The following UST variants were observed in gnomAD, a reference collection of about 807,000 sequenced individuals.
The protein encoded by UST is uronyl 2-sulfotransferase.
A neutral mutation model predicts 45.6 loss-of-function variants in UST; 21 were observed. That is an observed-to-expected ratio of 0.46 (90% CI 0.33 to 0.66). UST has a LOEUF of 0.66. Ranked by LOEUF, UST falls within the 30% of genes least tolerant of loss-of-function variation. The pLI, the probability that UST is intolerant of heterozygous loss-of-function variation, is 0.02. For missense variants in UST, 463 were observed against 512.4 expected (o/e 0.90, Z 0.93); for synonymous variants, 215 against 200.6 (o/e 1.07, Z -0.61).
chr6:148,847,955 T>C (rs1418627574), intron 1 of UST, among the ~76,000 whole-genome samples: 2 of 152,198 alleles, frequency 1.3e-5, no homozygotes, highest in Non-Finnish European at 2.9e-5. Context: ...GCTTTGAAAT[T>C]TGTCATGGGT....
chr6:148,848,482 C>T (rs1778039450), intron 1 of UST, among the ~76,000 whole-genome samples: 1 of 152,110 alleles, frequency 6.6e-6, no homozygotes, highest in African/African-American at 2.4e-5. Flanking sequence ...TCCATCCTGG[C>T]TAACATGGTG....
In UST at chr6:148,868,059, C is replaced by A. The variant is rs998279195; in HGVS notation, c.248-18927C>A. Among the ~76,000 whole-genome samples, 20 of 152,288 alleles carry A rather than the reference C, an allele frequency of 1.3e-4. No individual in the cohort carries two copies. The South Asian group carries it at 1.7e-3, about 13-fold the overall frequency. ...CTGATGAGCAGTCCTGGCATCATCA[C>A]TTCCTCTGCAAAGGACACTGTGATC... is the stretch of plus-strand genomic sequence containing the variant. On this transcript the variant is annotated intron_variant, in intron 1 of 7. Coordinates refer to ENST00000367463, the MANE Select transcript of UST (RefSeq NM_005715.3).
chr6:149,070,783 A>G (rs2115046789), intron 7 of UST, among the ~76,000 whole-genome samples: 1 of 149,782 alleles, frequency 6.7e-6, no homozygotes, highest in East Asian at 2.0e-4. Context: ...ATTATTATTA[A>G]TTTTAGACAG....
intron 7 of UST, among the ~76,000 whole-genome samples, chr6:149,044,571 C>G (rs1354200686): frequency 6.6e-6 from 1 of 152,168 alleles, no homozygotes; most frequent in Non-Finnish European, 1.5e-5. Context: ...GAATGTTATT[C>G]AGATATCAGC....
intron 1 of UST, among the ~76,000 whole-genome samples, chr6:148,825,099 C>G (rs957013886): frequency 4.6e-5 from 7 of 151,968 alleles, no homozygotes; most frequent in African/African-American, 1.7e-4. Context: ...TTTCCTGGGT[C>G]ACTTGAATCA....
rs113811358 is a variant in UST, at chr6:148,878,241, C to T, written c.248-8745C>T. 6.5e-3 allele frequency among the ~76,000 whole-genome samples: 437 copies of T among 67,338 alleles called. 6 individuals are homozygous for T. Among genetic ancestry groups the T allele is most frequent in the African/African-American group, 0.025 (366 of 14,448 alleles). The allele number at this position is 67,338 out of a possible 152,430, so 44.2% of individuals were successfully genotyped here. A position where few individuals can be genotyped will look rare whatever the true frequency, so the allele number is the denominator to read the frequency against. ...AGAGTGCGGGGGTCGTGTATGAGTGCGGAGATCGTGTATGAGTGCGGAGAT... is the reference window on the plus strand; with the variant it reads ...AGAGTGCGGGGGTCGTGTATGAGTGTGGAGATCGTGTATGAGTGCGGAGAT... On this transcript the variant is annotated intron_variant, in intron 1 of 7. Coordinates refer to ENST00000367463, the MANE Select transcript of UST (RefSeq NM_005715.3).
At chr6:148,791,388 A>G (rs1430520540) in intron 1 of UST, among the ~76,000 whole-genome samples, 1 of 152,196 alleles carries the variant, frequency 6.6e-6, no homozygotes, top group East Asian at 1.9e-4. Flanking sequence ...GTTTTAGACA[A>G]TCTTCCGTAT....
chr6:149,053,730 T>C (rs1471819062), intron 7 of UST, among the ~76,000 whole-genome samples: 2 of 152,240 alleles, frequency 1.3e-5, no homozygotes, highest in Non-Finnish European at 2.9e-5. Context: ...ATGTGCTCAG[T>C]TGCAACCACT....
chr6:149,029,255 A>C lies in UST; in HGVS notation c.937+7774A>C, dbSNP rs111280588. ...GGAAGAGGGTGGAGTTTTGCAATCAAATAAGTTTATGTGAGTTAAAAGTAT... is the reference window on the plus strand; with the variant it reads ...GGAAGAGGGTGGAGTTTTGCAATCACATAAGTTTATGTGAGTTAAAAGTAT... On this transcript the variant is annotated intron_variant, in intron 7 of 7. Coordinates refer to ENST00000367463, the MANE Select transcript of UST (RefSeq NM_005715.3). Among the ~76,000 whole-genome samples, 493 of 151,208 alleles carry C rather than the reference A, an allele frequency of 3.3e-3. 3 individuals carry two copies. Among genetic ancestry groups the C allele is most frequent in the African/African-American group, 0.011 (468 of 41,302 alleles).
Position 149,060,476 on chromosome 6 carries a change from C to G in UST, c.938-13357C>G, listed in dbSNP as rs188757838. On this transcript the variant is annotated intron_variant, in intron 7 of 7. Transcript: ENST00000367463. ...GGCAGCCCTAGGGAGTCCGGCGGCC[C>G]TGCAGCTGTATTTCATCTCTTTGAA... 3.3e-5 allele frequency among the ~76,000 whole-genome samples: 5 copies of G among 152,306 alleles called. No individual in the cohort carries two copies. The East Asian group carries it at 9.7e-4, about 29-fold the overall frequency.
rs565347660 is a variant in UST at position 149,064,150 on chromosome 6, C to T, written c.938-9683C>T. On this transcript the variant is annotated intron_variant, in intron 7 of 7. Transcript: ENST00000367463. ...GAAATGTTGACTCCAGCAAATGAAT[C>T]AGAGTGAGATGCCCTCTCTGCCCCC... 1.4e-4 allele frequency among the ~76,000 whole-genome samples: 22 copies of T among 152,282 alleles called. No homozygotes were observed. The South Asian group carries it at 3.5e-3, about 24-fold the overall frequency.
chr6:148,822,551 T>C (rs1216649201), intron 1 of UST, among the ~76,000 whole-genome samples: 1 of 152,192 alleles, frequency 6.6e-6, no homozygotes, highest in Non-Finnish European at 1.5e-5. Flanking sequence ...AGAGAGAATA[T>C]AGTATTCTGC....
At chr6:148,847,555 G>T (rs1439692659) in intron 1 of UST, among the ~76,000 whole-genome samples, 1 of 152,236 alleles carries the variant, frequency 6.6e-6, no homozygotes, top group Non-Finnish European at 1.5e-5. Flanking sequence ...TCGTGTGGTT[G>T]TTTGTAATTT....
intron 1 of UST, among the ~76,000 whole-genome samples, chr6:148,779,438 AG>A (rs1037911493): frequency 2.0e-5 from 3 of 152,234 alleles, no homozygotes; most frequent in Non-Finnish European, 4.4e-5. Flanking sequence ...AAGACATGTG[AG>A]GGAAGTCTGG....
At chr6:149,005,248 A>C (rs1402806044) in intron 5 of UST, 1 of 956,994 alleles carries the variant, frequency 1.0e-6, no homozygotes, top group Non-Finnish European at 1.2e-6. Context: ...CCCTCTGTGT[A>C]TGTTGACGTT....
At chr6:149,056,112 CTT>C (rs1162239776) in intron 7 of UST, among the ~76,000 whole-genome samples, 37 of 89,812 alleles carry the variant, frequency 4.1e-4, no homozygotes, top group African/African-American at 1.5e-3. Flanking sequence ...CTTTTCTTTT[CTT>C]TTCTTTTTTT....
At chr6:149,029,425 GTATACATTATATTA>G (rs1776102647) in intron 7 of UST, among the ~76,000 whole-genome samples, 1 of 88,970 alleles carries the variant, frequency 1.1e-5, no homozygotes, top group Non-Finnish European at 2.2e-5. Flanking sequence ...ACATTATATT[GTATACATTATATTA>G]TATTATATTA....
rs550425693 is a variant in UST at position 148,889,160 on chromosome 6, G to A, written c.291+2131G>A. ...GAGTGTCTGATTCAGTGGGTCTGGG[G>A]TGGGAGCTGAGCATGTGCATTTCTC... On this transcript the variant is annotated intron_variant, in intron 2 of 7. Coordinates refer to ENST00000367463, the MANE Select transcript of UST (RefSeq NM_005715.3). Among the ~76,000 whole-genome samples the A allele has an allele frequency of 6.1e-3, 925 of 152,348 alleles. 12 individuals are homozygous for A. The highest frequency in any genetic ancestry group is 0.017 in the Middle Eastern group (5 of 294).
intron 1 of UST, among the ~76,000 whole-genome samples, chr6:148,764,828 T>C (rs761318076): frequency 6.6e-6 from 1 of 152,150 alleles, no homozygotes; most frequent in Non-Finnish European, 1.5e-5. Context: ...GTGCACACAA[T>C]GTCAGGGTTC....
Sources: allele counts gnomAD v4.1 joint callset (sites outside exome capture counted in the v4.1 genomes callset), GRCh38; gene constraint gnomAD v4.1.1; transcripts MANE v1.5; gene names NCBI Gene and HGNC (gene_info 2026-07-23, HGNC 2026-07-21).